The following EPM2A variants were observed in gnomAD, a reference collection of about 807,000 sequenced individuals.
EPM2A encodes laforin.
A neutral mutation model predicts 26.5 loss-of-function variants in EPM2A; 21 were observed. That is an observed-to-expected ratio of 0.79 (90% CI 0.56 to 1.14). The LOEUF is 1.14. EPM2A is among the 50% of genes most tolerant of loss of function. The pLI, the probability that EPM2A is intolerant of heterozygous loss-of-function variation, is 0.00. For synonymous variants in EPM2A, 217 were observed against 177.6 expected, an observed-to-expected ratio of 1.22 and a Z score of -1.76; for missense variants, 458 against 440.8, an observed-to-expected ratio of 1.04 and a Z score of -0.35.
chr6:145,438,751 C>T (rs1235638805), intron 4 of EPM2A, among the ~76,000 whole-genome samples: 3 of 152,078 alleles, frequency 2.0e-5, no homozygotes, highest in South Asian at 2.1e-4. Context: ...GGATTACAGG[C>T]GTGAGCCATT....
intron 4 of EPM2A, among the ~76,000 whole-genome samples, chr6:145,407,410 G>T (rs1778583481): frequency 6.6e-6 from 1 of 151,980 alleles, no homozygotes; most frequent in African/African-American, 2.4e-5. Context: ...TCTAAAATTA[G>T]CCATACAATT....
At chr6:145,460,904 T>C (rs959237533) in intron 4 of EPM2A, among the ~76,000 whole-genome samples, 4 of 152,188 alleles carry the variant, frequency 2.6e-5, no homozygotes, top group Non-Finnish European at 5.9e-5. Context: ...CTAAACTTCA[T>C]GTAGATCTGA....
chr6:145,673,204 A>C (rs1159708829), intron 2 of EPM2A, among the ~76,000 whole-genome samples: 2 of 152,260 alleles, frequency 1.3e-5, no homozygotes, highest in African/African-American at 4.8e-5. Context: ...ATATTTTTAA[A>C]AAACTCAAAC....
intron 4 of EPM2A, among the ~76,000 whole-genome samples, chr6:145,491,496 G>A (rs149165277): frequency 6.6e-6 from 1 of 152,270 alleles, no homozygotes; most frequent in African/African-American, 2.4e-5. Context: ...ACTTCTCTCT[G>A]ATGTCAAACC....
intron 4 of EPM2A, among the ~76,000 whole-genome samples, chr6:145,421,869 TTAAGGAAAAAATTATAAAAAGAGACAA>T (rs1778789229): frequency 6.7e-6 from 1 of 150,062 alleles, no homozygotes; most frequent in Non-Finnish European, 1.5e-5. Context: ...AAAATAGAAT[TTAAGGAAAAAATTATAAAAAGAGACAA>T]GTGAAGATAC....
At chr6:145,611,874 A>C (rs893753005) in intron 2 of EPM2A, among the ~76,000 whole-genome samples, 1 of 152,118 alleles carries the variant, frequency 6.6e-6, no homozygotes, top group East Asian at 1.9e-4. Context: ...AGAAAAAAAA[A>C]CACTTCTCCA....
chr6:145,432,413 G>A (rs1778933379), intron 4 of EPM2A, among the ~76,000 whole-genome samples: 1 of 152,036 alleles, frequency 6.6e-6, no homozygotes, highest in Admixed American at 6.5e-5. Context: ...TGTATTAGCA[G>A]GCATGAAAAC....
chr6:145,461,119 A>T (rs1178936430), intron 4 of EPM2A, among the ~76,000 whole-genome samples: 1 of 152,148 alleles, frequency 6.6e-6, no homozygotes, highest in Non-Finnish European at 1.5e-5. Context: ...ATCAACTATG[A>T]TCTTTCTTTT....
At chr6:145,729,185 G>C (rs978786292) in intron 1 of EPM2A, among the ~76,000 whole-genome samples, 1 of 152,200 alleles carries the variant, frequency 6.6e-6, no homozygotes, top group Non-Finnish European at 1.5e-5. Context: ...TGCAGCAGCA[G>C]AGCCCTCAGT....
chr6:145,687,280 C>T (rs940009787), intron 1 of EPM2A, among the ~76,000 whole-genome samples: 3 of 150,678 alleles, frequency 2.0e-5, no homozygotes, highest in Admixed American at 1.3e-4. Flanking sequence ...CACAGCAAGT[C>T]GTCGCCATCT....
chr6:145,654,194 ATT>A (rs55978408), intron 2 of EPM2A, among the ~76,000 whole-genome samples: 1 of 148,154 alleles, frequency 6.7e-6, no homozygotes, highest in African/African-American at 2.5e-5. Flanking sequence ...AGACTATGCA[ATT>A]TTTTTTTTTT....
chr6:145,704,589 T>C (rs1782110749), intron 1 of EPM2A, among the ~76,000 whole-genome samples: 1 of 152,226 alleles, frequency 6.6e-6, no homozygotes, highest in Non-Finnish European at 1.5e-5. Flanking sequence ...GACAGTCCTA[T>C]ACTTATACAG....
intron 1 of EPM2A, among the ~76,000 whole-genome samples, chr6:145,686,497 G>A (rs1224008558): frequency 1.3e-5 from 2 of 152,134 alleles, no homozygotes; most frequent in Middle Eastern, 3.4e-3. Flanking sequence ...GAAAATCAGA[G>A]TTTTTTACTC....
chr6:145,633,046 A>C (rs1412429568), intron 3 of EPM2A, among the ~76,000 whole-genome samples: 4 of 152,236 alleles, frequency 2.6e-5, no homozygotes, highest in African/African-American at 9.6e-5. Context: ...AAGGTTCGTG[A>C]ACACAACTAC....
chr6:145,584,480 A>G (rs1312571729), intron 2 of EPM2A, among the ~76,000 whole-genome samples: 1 of 152,176 alleles, frequency 6.6e-6, no homozygotes, highest in Non-Finnish European at 1.5e-5. Flanking sequence ...GAGTTTGGCC[A>G]GCCCTGGGGA....
chr6:145,678,918 A>G (rs148965430), intron 2 of EPM2A, among the ~76,000 whole-genome samples: 10 of 152,310 alleles, frequency 6.6e-5, no homozygotes, highest in Non-Finnish European at 1.3e-4. Context: ...TCAAAGGATT[A>G]TACGTCATGC....
chr6:145,468,915 C>T (rs868075535), intron 4 of EPM2A, among the ~76,000 whole-genome samples: 7 of 152,048 alleles, frequency 4.6e-5, no homozygotes, highest in South Asian at 2.1e-4. Flanking sequence ...AACCAGAATA[C>T]ATAAGGAGCT....
At chr6:145,624,852 T>C (rs1194570434), downstream of EPM2A, among the ~76,000 whole-genome samples, 1 of 152,244 alleles carries the variant, frequency 6.6e-6, no homozygotes, top group African/African-American at 2.4e-5. Context: ...ACCTTAATGA[T>C]GGTCAAAAGA....
chr6:145,486,914 G>A (rs956614304), intron 4 of EPM2A, among the ~76,000 whole-genome samples: 3 of 151,944 alleles, frequency 2.0e-5, no homozygotes, highest in Non-Finnish European at 4.4e-5. Context: ...ATGTGTCATG[G>A]GATTTGTTTT....
Sources: gnomAD v4.1 joint callset for allele counts (sites outside exome capture counted in the v4.1 genomes callset) on GRCh38, gnomAD v4.1.1 for gene constraint, MANE v1.5 for transcripts, NCBI Gene and HGNC (gene_info 2026-07-23, HGNC 2026-07-21) for gene names.